The following ARHGAP25 variants were observed in gnomAD, a reference collection of about 807,000 sequenced individuals.
ARHGAP25 encodes Rho GTPase activating protein 25, also known as rho GTPase-activating protein 25.
A neutral mutation model predicts 71.0 loss-of-function variants in ARHGAP25; 34 were observed. The observed-to-expected ratio is 0.48, with a 90% CI of 0.36 to 0.64. The LOEUF is 0.64. Ranked by LOEUF, ARHGAP25 falls within the 30% of genes least tolerant of loss-of-function variation. The probability of loss-of-function intolerance (pLI) is 0.00; values close to 1 mark genes in which losing one functional copy is unlikely to be tolerated. For synonymous variants in ARHGAP25, 282 were observed against 296.5 expected (o/e 0.95, Z 0.50); for missense variants, 706 against 805.1 (o/e 0.88, Z 1.49).
chr2:68,803,117 A>T (rs1363413173), intron 4 of ARHGAP25, among the ~76,000 whole-genome samples: 3 of 152,170 alleles, frequency 2.0e-5, no homozygotes. Context: ...TAAGGAGAAT[A>T]CTAGAGTGAG....
intron 1 of ARHGAP25, among the ~76,000 whole-genome samples, chr2:68,748,172 C>T (rs1675950403): frequency 6.6e-6 from 1 of 152,168 alleles, no homozygotes; most frequent in Non-Finnish European, 1.5e-5. Context: ...CACCCTCCTT[C>T]TATTAACAGT....
At chr2:68,823,131 CA>C (rs1334407678) in intron 10 of ARHGAP25, among the ~76,000 whole-genome samples, 1 of 152,274 alleles carries the variant, frequency 6.6e-6, no homozygotes, top group Non-Finnish European at 1.5e-5. Flanking sequence ...AACAGTGGTT[CA>C]AGAATCAACA....
At position 68,813,498 on chromosome 2, in the gene ARHGAP25, G is replaced by A. The variant is rs1680982691; in HGVS notation, c.807+79G>A. On this transcript the variant is annotated intron_variant, in intron 6 of 10. Coordinates refer to ENST00000409202, the MANE Select transcript of ARHGAP25 (RefSeq NM_001007231.3). ...GGACACTAATCCAGTAGGCAACAGTGGGTCAAGGGGCCTGTACTTTTTGGT... is the reference window on the plus strand; with the variant it reads ...GGACACTAATCCAGTAGGCAACAGTAGGTCAAGGGGCCTGTACTTTTTGGT... 7.4e-6 allele frequency: 11 copies of A among 1,495,822 alleles called. No individual in the cohort carries two copies. In the Admixed American group the frequency reaches 1.9e-4, roughly 26 times the overall value. The allele number at this position is 1,495,822 out of a possible 1,614,324, so 92.7% of individuals were successfully genotyped here.
chr2:68,797,861 A>G (rs1679679603), intron 4 of ARHGAP25, among the ~76,000 whole-genome samples: 1 of 152,248 alleles, frequency 6.6e-6, no homozygotes, highest in Non-Finnish European at 1.5e-5. Flanking sequence ...GAAAGTGGAC[A>G]GCAGAAAGGC....
intron 1 of ARHGAP25, among the ~76,000 whole-genome samples, chr2:68,751,172 C>G (rs760952211): frequency 1.3e-5 from 2 of 152,174 alleles, no homozygotes; most frequent in East Asian, 3.8e-4. Flanking sequence ...AAAGGATGCT[C>G]ATCCTCACGC....
upstream of ARHGAP25, among the ~76,000 whole-genome samples, chr2:68,734,209 A>G (rs558200057): frequency 2.9e-4 from 44 of 152,338 alleles, 2 homozygotes; most frequent in South Asian, 9.1e-3. Flanking sequence ...TTTACTGATG[A>G]GGACATTAAG....
intron 1 of ARHGAP25, among the ~76,000 whole-genome samples, chr2:68,756,300 G>A (rs1043141998): frequency 6.6e-6 from 1 of 152,190 alleles, no homozygotes; most frequent in Admixed American, 6.5e-5. Context: ...ACAAATAACA[G>A]GGATCTATGT....
At chr2:68,796,444 A>G (rs945705279) in intron 4 of ARHGAP25, among the ~76,000 whole-genome samples, 2 of 152,196 alleles carry the variant, frequency 1.3e-5, no homozygotes, top group African/African-American at 2.4e-5. Context: ...ATTTCTGCAC[A>G]TCTGAAGCAA....
chr2:68,772,045 TTTTG>T (rs1322840953), intron 1 of ARHGAP25, among the ~76,000 whole-genome samples: 1 of 152,374 alleles, frequency 6.6e-6, no homozygotes, highest in African/African-American at 2.4e-5. Flanking sequence ...TAGGAGGGTT[TTTTG>T]TTTGTTTGTT....
intron 2 of ARHGAP25, among the ~76,000 whole-genome samples, chr2:68,780,786 T>A (rs1301225517): frequency 6.6e-6 from 1 of 152,208 alleles, no homozygotes; most frequent in Non-Finnish European, 1.5e-5. Flanking sequence ...CTTAGGCTCC[T>A]GAGTGGATCT....
chr2:68,764,677 G>A (rs1293786197), intron 1 of ARHGAP25, among the ~76,000 whole-genome samples: 2 of 152,106 alleles, frequency 1.3e-5, no homozygotes, highest in Non-Finnish European at 2.9e-5. Context: ...TGCGCACTTG[G>A]AAGGAGCTCT....
upstream of ARHGAP25, among the ~76,000 whole-genome samples, chr2:68,733,603 A>C (rs1482473833): frequency 2.0e-5 from 3 of 152,182 alleles, no homozygotes; most frequent in Admixed American, 2.0e-4. Flanking sequence ...CAGTTCACCC[A>C]TTGTACCAAG....
chr2:68,794,092 T>C lies in ARHGAP25; in HGVS notation c.466+6136T>C, dbSNP rs1679375341. Among the ~76,000 whole-genome samples, 5 of 152,282 alleles carry C rather than the reference T, an allele frequency of 3.3e-5. No individual in the cohort carries two copies. The South Asian group carries it at 1.0e-3, about 32-fold the overall frequency. On this transcript the variant is annotated intron_variant, in intron 4 of 10. Coordinates refer to ENST00000409202, the MANE Select transcript of ARHGAP25 (RefSeq NM_001007231.3). Reference sequence around the variant, plus strand: ...CTAGATCGTTACTGGTGTATAGAAATGCTACTGATTTTTGTATGTTGATTT... The same window carrying C: ...CTAGATCGTTACTGGTGTATAGAAACGCTACTGATTTTTGTATGTTGATTT...
chr2:68,785,544 C>T (rs577128821), intron 3 of ARHGAP25, among the ~76,000 whole-genome samples: 76 of 151,510 alleles, frequency 5.0e-4, no homozygotes, highest in African/African-American at 1.6e-3. Flanking sequence ...AGTTTTTTTT[C>T]GGGGGTTTGG....
chr2:68,817,397 A>T (rs1681313938), intron 7 of ARHGAP25, among the ~76,000 whole-genome samples: 1 of 152,174 alleles, frequency 6.6e-6, no homozygotes, highest in Non-Finnish European at 1.5e-5. Flanking sequence ...CCTGCTGAGA[A>T]TTAGCAATGC....
chr2:68,805,404 G>A (rs1430186489), intron 4 of ARHGAP25, among the ~76,000 whole-genome samples: 3 of 152,060 alleles, frequency 2.0e-5, no homozygotes, highest in African/African-American at 7.2e-5. Flanking sequence ...GGGGAATACA[G>A]AGGCCACCTA....
chr2:68,806,665 A>G (rs112589323), intron 4 of ARHGAP25, among the ~76,000 whole-genome samples: 6,266 of 152,346 alleles, frequency 0.041, 189 homozygotes, highest in Non-Finnish European at 0.054. Flanking sequence ...CATGCTACTC[A>G]GAATGACATG....
chr2:68,715,163 C>T (rs1674578873), intron 2 of ARHGAP25, among the ~76,000 whole-genome samples: 1 of 152,166 alleles, frequency 6.6e-6, no homozygotes, highest in Non-Finnish European at 1.5e-5. Flanking sequence ...TGGGACTTTT[C>T]ACTGTTGGTT....
chr2:68,825,415 C>CA, intron 10 of ARHGAP25, among the ~76,000 whole-genome samples: 1 of 151,952 alleles, frequency 6.6e-6, no homozygotes, highest in Admixed American at 6.6e-5. Context: ...GTTGAAGATA[C>CA]AAAACATTAA....
Sources: gnomAD v4.1 joint callset for allele counts (sites outside exome capture counted in the v4.1 genomes callset) on GRCh38, gnomAD v4.1.1 for gene constraint, MANE v1.5 for transcripts, NCBI Gene and HGNC (gene_info 2026-07-23, HGNC 2026-07-21) for gene names.